The following ZNF558 variants were observed in gnomAD, a reference collection of about 807,000 sequenced individuals.
The protein encoded by ZNF558 is zinc finger protein 558.
In ZNF558, 23 loss-of-function variants were observed where a neutral mutation model predicts 37.6. The ratio of observed to expected loss-of-function variants is 0.61; its 90% CI spans 0.44 to 0.87. The LOEUF (loss-of-function observed/expected upper bound fraction) is 0.87, where lower values mean the gene tolerates loss of function less well. Among genes scored for constraint, ZNF558 ranks in the 40% least tolerant of loss-of-function variants. ZNF558 has a pLI of 0.00. For synonymous variants in ZNF558, 189 were observed against 174.4 expected (o/e 1.08, Z -0.66); for missense variants, 429 against 483.7 (o/e 0.89, Z 1.06).
rs902545017 is a variant in ZNF558, at chr19:8,824,272, T to C, written c.-256A>G. The C allele has an allele frequency of 6.6e-6, 1 of 152,168 alleles. No homozygotes were observed. Among genetic ancestry groups the C allele is most frequent in the Non-Finnish European group, 1.5e-5 (1 of 68,106 alleles). The allele number at this position is 152,168 out of a possible 1,614,324, so 9.4% of individuals were successfully genotyped here. ...TGGAGAGGCCTATGTGGAGAGGAACTGAGGCCTCCCACCGACGGCCAGCTC... is the reference window on the plus strand; with the variant it reads ...TGGAGAGGCCTATGTGGAGAGGAACCGAGGCCTCCCACCGACGGCCAGCTC... On this transcript the variant is annotated 5_prime_UTR_variant, in exon 4 of 10. Transcript: ENST00000601372.
upstream of ZNF558, among the ~76,000 whole-genome samples, chr19:8,836,992 T>C (rs1168897874): frequency 1.3e-5 from 2 of 152,148 alleles, no homozygotes; most frequent in Non-Finnish European, 2.9e-5. Flanking sequence ...CCTTTACAAA[T>C]ACATACAACT....
chr19:8,822,792 T>G lies in ZNF558; in HGVS notation c.-65-68A>C. On this transcript the variant is annotated intron_variant, in intron 4 of 9. Transcript: ENST00000601372. This position sits in a 1 kb window ranked among gnomAD's most constrained non-coding sequence, Gnocchi z 4.4. ...CTCTCGGGCTGCTGGGGATGGGCCCTCCTCAACCCATCCTTCCCATCCTTC... is the reference window on the plus strand; with the variant it reads ...CTCTCGGGCTGCTGGGGATGGGCCCGCCTCAACCCATCCTTCCCATCCTTC... 13 of 1,335,598 alleles carry G rather than the reference T, an allele frequency of 9.7e-6. No individual in the cohort carries two copies. Among genetic ancestry groups the G allele is most frequent in the East Asian group, 2.3e-5 (1 of 42,742 alleles). The allele number at this position is 1,335,598 out of a possible 1,614,324, so 82.7% of individuals were successfully genotyped here. A position where few individuals can be genotyped will look rare whatever the true frequency, so the allele number is the denominator to read the frequency against.
At chr19:8,812,671 T>C (rs1436857714) in intron 8 of ZNF558, 28 bp from the exon 9 acceptor site, 12 of 1,490,794 alleles carry the variant, frequency 8.0e-6, no homozygotes, top group Admixed American at 2.1e-5. Flanking sequence ...GAAATTTAGG[T>C]TGATGGAGAA....
chr19:8,833,964 G>A (rs192707960), upstream of ZNF558, among the ~76,000 whole-genome samples: 22 of 151,970 alleles, frequency 1.4e-4, no homozygotes, highest in East Asian at 3.7e-3. Context: ...ACTCCAGCCC[G>A]GGTGACGAGC....
upstream of ZNF558, among the ~76,000 whole-genome samples, chr19:8,837,030 A>G (rs1599309353): frequency 1.3e-5 from 2 of 152,270 alleles, no homozygotes; most frequent in South Asian, 2.1e-4. Context: ...GCAAAGAGGC[A>G]TAAATTAAAA....
chr19:8,825,330 G>A (rs541114636), intron 2 of ZNF558, among the ~76,000 whole-genome samples: 5 of 152,116 alleles, frequency 3.3e-5, no homozygotes, highest in Non-Finnish European at 7.4e-5. Context: ...TTTAAGGTTG[G>A]TGCAAAAGTG....
Position 8,811,645 on chromosome 19 carries a change from T to G in ZNF558, c.845A>C (p.His282Pro). The G allele has an allele frequency of 6.2e-7, 1 of 1,614,246 alleles. No individual in the cohort carries two copies. The highest frequency in any genetic ancestry group is 8.5e-7 in the Non-Finnish European group (1 of 1,180,040). ...TTTCTCCCCTGTATGAATGCTATTG[T>G]GCCCAGTGAGAGAGGACCTTGTGCT... The part of the protein sequence containing the change: ...AFSTRSSLTG[H>P]NSIHTGEKPY... The change falls in exon 10 of 10, where the codon CAC becomes CCC. Residue 282 changes from histidine (H) to proline (P), a missense_variant. By Grantham distance (77) the His-to-Pro change is moderately conservative. Coordinates refer to ENST00000601372, the MANE Select transcript of ZNF558 (RefSeq NM_144693.3).
chr19:8,821,885 A>G, intron 6 of ZNF558, 118 bp downstream of exon 6: 1 of 1,530,866 alleles, frequency 6.5e-7, no homozygotes, highest in Non-Finnish European at 8.8e-7. Context: ...TGATGCCTGG[A>G]AATCCTGGGA....
chr19:8,816,206 A>T (rs1375427174), intron 7 of ZNF558, among the ~76,000 whole-genome samples: 1 of 152,052 alleles, frequency 6.6e-6, no homozygotes, highest in Non-Finnish European at 1.5e-5. Flanking sequence ...AGCTGGGACC[A>T]TAGGTGTGCA....
At position 8,809,713 on chromosome 19, in the gene ZNF558, T is replaced by C. The variant is rs943443524; in HGVS notation, c.*1568A>G. ...TAATAAATACATTGCATTAAAATTATGAAATATGTTAATGTTTATTTTAGG... is the reference window on the plus strand; with the variant it reads ...TAATAAATACATTGCATTAAAATTACGAAATATGTTAATGTTTATTTTAGG... On this transcript the variant is annotated 3_prime_UTR_variant, in exon 10 of 10. Transcript: ENST00000601372. 1.3e-5 allele frequency: 2 copies of C among 152,182 alleles called. No individual in the cohort carries two copies. Among genetic ancestry groups the C allele is most frequent in the Admixed American group, 6.5e-5 (1 of 15,274 alleles). The allele number at this position is 152,182 out of a possible 1,614,324, so 9.4% of individuals were successfully genotyped here.
At chr19:8,818,384 G>A (rs551525620) in intron 7 of ZNF558, among the ~76,000 whole-genome samples, 2 of 152,166 alleles carry the variant, frequency 1.3e-5, no homozygotes, top group South Asian at 2.1e-4. Context: ...CCTGGGAGGC[G>A]GAGGTTGCAG....
Position 8,831,871 on chromosome 19 carries a change from C to A in ZNF558, c.-593+338G>T, listed in dbSNP as rs900962706. Among the ~76,000 whole-genome samples, 19 of 152,272 alleles carry A rather than the reference C, an allele frequency of 1.2e-4. No individual in the cohort carries two copies. In the Middle Eastern group the frequency reaches 0.01, roughly 82 times the overall value. ...ACAACGTAGGATCTTTAAGAGCAAG[C>A]AGCGTCCCTCTTCCCCGGCCTCCAC... On this transcript the variant is annotated intron_variant, in intron 1 of 9. Coordinates refer to ENST00000601372, the MANE Select transcript of ZNF558 (RefSeq NM_144693.3).
In ZNF558 at chr19:8,807,622, C is replaced by A. The variant is rs1408545370; in HGVS notation, c.*3659G>T. 1 of 152,158 alleles carries A rather than the reference C, an allele frequency of 6.6e-6. No individual in the cohort carries two copies. The highest frequency in any genetic ancestry group is 1.5e-5 in the Non-Finnish European group (1 of 68,034). 9.4% of individuals were successfully genotyped at this position (152,158 alleles called of 1,614,324 possible). A position where few individuals can be genotyped will look rare whatever the true frequency, so the allele number is the denominator to read the frequency against. ...CAACACTACTCTTGCAAGACAAATTCATATGACTCACTGTCCCAACTTGTT... is the reference window on the plus strand; with the variant it reads ...CAACACTACTCTTGCAAGACAAATTAATATGACTCACTGTCCCAACTTGTT... On this transcript the variant is annotated 3_prime_UTR_variant, in exon 10 of 10. Coordinates refer to ENST00000601372, the MANE Select transcript of ZNF558 (RefSeq NM_144693.3).
At chr19:8,830,148 T>TTC (rs984540450) in intron 2 of ZNF558, among the ~76,000 whole-genome samples, 4 of 152,224 alleles carry the variant, frequency 2.6e-5, no homozygotes, top group East Asian at 1.9e-4. Flanking sequence ...CGTTTATGTC[T>TTC]TCTCTCTCTC....
chr19:8,828,850 G>A (rs2044288364), intron 2 of ZNF558, among the ~76,000 whole-genome samples: 1 of 151,888 alleles, frequency 6.6e-6, no homozygotes, highest in South Asian at 2.1e-4. Context: ...GTAATCCTAG[G>A]GACTGGGGAG....
chr19:8,813,063 C>A (rs1555768894), intron 8 of ZNF558, 64 bp downstream of exon 8: 4 of 1,324,868 alleles, frequency 3.0e-6, no homozygotes, highest in Non-Finnish European at 4.3e-6. Flanking sequence ...ATGTAATACT[C>A]CCAACCCCCA....
chr19:8,812,028 ACATT>A lies in ZNF558; in HGVS notation c.458_461del (p.Glu153ValfsTer14). On this transcript the variant is annotated frameshift_variant, in exon 10 of 10. Coordinates refer to ENST00000601372, the MANE Select transcript of ZNF558 (RefSeq NM_144693.3). LOFTEE classifies it high-confidence loss of function. ...TGCTGAAGACTTTAAAACACTGATT[ACATT>A]CATTGAGTTTCACTCCACGATGACT... 6.2e-7 allele frequency: 1 copy of A among 1,603,646 alleles called. No individual in the cohort carries two copies. Among genetic ancestry groups the A allele is most frequent in the South Asian group, 1.1e-5 (1 of 89,550 alleles).
intron 7 of ZNF558, among the ~76,000 whole-genome samples, chr19:8,813,820 C>A (rs2043860433): frequency 6.6e-6 from 1 of 152,172 alleles, no homozygotes; most frequent in South Asian, 2.1e-4. Flanking sequence ...AACTTTTAAC[C>A]ATGAAGAATA....
At position 8,810,560 on chromosome 19, in the gene ZNF558, C is replaced by G. The variant is rs1555767379; in HGVS notation, c.*721G>C. On this transcript the variant is annotated 3_prime_UTR_variant, in exon 10 of 10. Transcript: ENST00000601372. Reference sequence around the variant, plus strand: ...AGAGCTTTACCATACAGATTGTCCTCAAAAGGTTTCTCTTCAGAGTGAATT... The same window carrying G: ...AGAGCTTTACCATACAGATTGTCCTGAAAAGGTTTCTCTTCAGAGTGAATT... The G allele has an allele frequency of 6.6e-6, 1 of 152,198 alleles. No homozygotes were observed. Among genetic ancestry groups the G allele is most frequent in the African/African-American group, 2.4e-5 (1 of 41,444 alleles). The allele number at this position is 152,198 out of a possible 1,614,324, so 9.4% of individuals were successfully genotyped here.
Sources: allele counts gnomAD v4.1 joint callset (sites outside exome capture counted in the v4.1 genomes callset), GRCh38; gene constraint gnomAD v4.1.1; non-coding constraint Gnocchi (gnomAD v3.1); transcripts MANE v1.5; gene names NCBI Gene and HGNC (gene_info 2026-07-23, HGNC 2026-07-21).